TCEA1: variants seen among roughly 807,000 people sequenced by gnomAD.
TCEA1 encodes transcription elongation factor A1.
Under a neutral mutation model 43.8 loss-of-function variants are expected in TCEA1, and 21 were observed. The observed-to-expected ratio is 0.48, with a 90% CI of 0.34 to 0.69. The LOEUF is 0.69. Among genes scored for constraint, TCEA1 ranks in the 30% least tolerant of loss-of-function variants. The pLI is 0.01. For synonymous variants in TCEA1, 104 were observed against 117.5 expected (o/e 0.88, Z 0.75); for missense variants, 250 against 365.1 (o/e 0.68, Z 2.57).
chr8:53,997,803 G>A (rs148391020), intron 3 of TCEA1, among the ~76,000 whole-genome samples: 325 of 152,304 alleles, frequency 2.1e-3, no homozygotes, highest in African/African-American at 7.3e-3. Context: ...GGAGTCTGAT[G>A]TGAAAGACTG....
At chr8:53,979,446 A>G (rs1803437664) in intron 7 of TCEA1, among the ~76,000 whole-genome samples, 1 of 152,242 alleles carries the variant, frequency 6.6e-6, no homozygotes, top group Admixed American at 6.5e-5. Context: ...ACAGTGAGAG[A>G]AATTGAACAT....
chr8:54,013,380 A>G (rs1351903874), intron 1 of TCEA1, among the ~76,000 whole-genome samples: 1 of 152,240 alleles, frequency 6.6e-6, no homozygotes, highest in South Asian at 2.1e-4. Context: ...AGAAATAACT[A>G]TGGGCTGGGC....
At chr8:54,008,663 A>T (rs1586031844) in intron 2 of TCEA1, among the ~76,000 whole-genome samples, 2 of 71,060 alleles carry the variant, frequency 2.8e-5, no homozygotes, top group South Asian at 1.5e-3. Flanking sequence ...CCTTATCTTA[A>T]AAAAAAAAAA....
chr8:53,981,574 C>G (rs368062665), intron 7 of TCEA1, among the ~76,000 whole-genome samples: 1 of 152,138 alleles, frequency 6.6e-6, no homozygotes, highest in Non-Finnish European at 1.5e-5. Context: ...CTATTGAGAC[C>G]TACTGCTCAG....
At position 54,022,431 on chromosome 8, in the gene TCEA1, C is replaced by T. The variant is rs999824810; in HGVS notation, c.-306G>A. On this transcript the variant is annotated 5_prime_UTR_variant, in exon 1 of 10. Coordinates refer to ENST00000521604, the MANE Select transcript of TCEA1 (RefSeq NM_006756.4). ...GCCAGGCGGGCGTCGGGCTAGTGGG[C>T]AGGCGTGGCTTCCGGCTAGAGGGTC... The T allele has an allele frequency of 8.9e-6, 4 of 450,204 alleles. No homozygotes were observed. The highest frequency in any genetic ancestry group is 5.0e-5 in the South Asian group (2 of 39,864). 27.9% of individuals were successfully genotyped at this position (450,204 alleles called of 1,614,324 possible). A position where few individuals can be genotyped will look rare whatever the true frequency, so the allele number is the denominator to read the frequency against.
intron 3 of TCEA1, among the ~76,000 whole-genome samples, chr8:53,995,806 T>C (rs1465598623): frequency 6.6e-6 from 1 of 152,202 alleles, no homozygotes; most frequent in Non-Finnish European, 1.5e-5. Context: ...GAATCACTGA[T>C]AAGAGAATGG....
intron 6 of TCEA1, among the ~76,000 whole-genome samples, chr8:53,984,725 C>T (rs908227748): frequency 4.0e-5 from 6 of 151,794 alleles, no homozygotes; most frequent in Middle Eastern, 6.8e-3. Flanking sequence ...CTATTAAAAA[C>T]ACAAAAAATT....
In TCEA1 at chr8:53,967,721, A is replaced by T. The variant is rs1387802017; in HGVS notation, c.*383T>A. On this transcript the variant is annotated 3_prime_UTR_variant, in exon 10 of 10. Coordinates refer to ENST00000521604, the MANE Select transcript of TCEA1 (RefSeq NM_006756.4). ...TGTAGCTACATGCCAATATGGAAAA[A>T]AATGTATTTTCATTTATGTATTAAT... 4.4e-6 allele frequency: 1 copy of T among 227,012 alleles called. No individual in the cohort carries two copies. The highest frequency in any genetic ancestry group is 2.2e-5 in the African/African-American group (1 of 44,932). 14.1% of individuals were successfully genotyped at this position (227,012 alleles called of 1,614,324 possible).
chr8:53,972,781 A>C, intron 8 of TCEA1: 1 of 717,610 alleles, frequency 1.4e-6, no homozygotes, highest in Non-Finnish European at 2.7e-6. Flanking sequence ...GTAGACTGTG[A>C]TTCTCCTGAA....
At position 53,967,891 on chromosome 8, in the gene TCEA1, T is replaced by G. The variant is rs1404369267; in HGVS notation, c.*213A>C. 1 of 423,322 alleles carries G rather than the reference T, an allele frequency of 2.4e-6. No individual in the cohort carries two copies. The highest frequency in any genetic ancestry group is 4.3e-6 in the Non-Finnish European group (1 of 230,344). 26.2% of individuals were successfully genotyped at this position (423,322 alleles called of 1,614,324 possible). ...CTTATAAAAACAGAAAAAATATGTT[T>G]TGAAACAGGTACCATAAAATTATTA... is the stretch of plus-strand genomic sequence containing the variant. On this transcript the variant is annotated 3_prime_UTR_variant, in exon 10 of 10. Coordinates refer to ENST00000521604, the MANE Select transcript of TCEA1 (RefSeq NM_006756.4).
At chr8:53,968,831 A>C (rs1221314238) in intron 9 of TCEA1, among the ~76,000 whole-genome samples, 1 of 152,192 alleles carries the variant, frequency 6.6e-6, no homozygotes. Flanking sequence ...ATCCAAGAGA[A>C]CAGGCCAAAT....
At chr8:53,986,556 T>C (rs1168499187) in intron 6 of TCEA1, among the ~76,000 whole-genome samples, 1 of 152,262 alleles carries the variant, frequency 6.6e-6, no homozygotes, top group African/African-American at 2.4e-5. Context: ...CTTCTAATTA[T>C]GTTATCGGTT....
intron 7 of TCEA1, 25 bp from the exon 8 acceptor site, chr8:53,979,196 T>C: frequency 6.2e-7 from 1 of 1,606,722 alleles, no homozygotes; most frequent in Non-Finnish European, 8.5e-7. Context: ...GCAATACCAC[T>C]CAGTTATAGA....
intron 3 of TCEA1, among the ~76,000 whole-genome samples, chr8:53,998,080 A>C (rs1247767277): frequency 1.3e-5 from 2 of 152,206 alleles, no homozygotes; most frequent in African/African-American, 4.8e-5. Context: ...GCCCATTATG[A>C]ATTTGATAAA....
chr8:53,973,208 C>T, intron 8 of TCEA1: 2 of 475,746 alleles, frequency 4.2e-6, no homozygotes, highest in South Asian at 2.0e-5. Context: ...ATATAGGCAA[C>T]TTTTGCAGGT....
intron 1 of TCEA1, among the ~76,000 whole-genome samples, chr8:54,020,493 G>A (rs1380214621): frequency 6.6e-6 from 1 of 152,176 alleles, no homozygotes; most frequent in African/African-American, 2.4e-5. Flanking sequence ...AGGAAAAAGG[G>A]GAACAGAGGA....
intron 8 of TCEA1, chr8:53,971,248 A>G (rs962189272): frequency 1.3e-5 from 2 of 152,264 alleles, no homozygotes; most frequent in Non-Finnish European, 2.9e-5. Flanking sequence ...ACAAGAAATA[A>G]TCAGTGACCA....
At chr8:53,991,365 C>T (rs1006790124) in intron 4 of TCEA1, among the ~76,000 whole-genome samples, 1 of 151,650 alleles carries the variant, frequency 6.6e-6, no homozygotes, top group African/African-American at 2.4e-5. Flanking sequence ...TGCATTCCAG[C>T]CTGGGCAACA....
At chr8:53,973,317 C>A (rs1333418373) in intron 8 of TCEA1, 13 of 524,048 alleles carry the variant, frequency 2.5e-5, no homozygotes, top group Non-Finnish European at 3.6e-6. Flanking sequence ...TGGTCAAGAA[C>A]AAATTGAAAG....
Sources: allele counts gnomAD v4.1 joint callset (sites outside exome capture counted in the v4.1 genomes callset), GRCh38; gene constraint gnomAD v4.1.1; transcripts MANE v1.5; gene names NCBI Gene and HGNC (gene_info 2026-07-23, HGNC 2026-07-21).